The following FAM193A variants were observed in gnomAD, a reference collection of about 807,000 sequenced individuals.
FAM193A encodes the protein family with sequence similarity 193 member A.
In FAM193A, 22 loss-of-function variants were observed where a neutral mutation model predicts 126.5. The observed-to-expected ratio is 0.17, with a 90% CI of 0.12 to 0.25. FAM193A has a LOEUF of 0.25. Ranked by LOEUF, FAM193A falls within the 10% of genes least tolerant of loss-of-function variation. FAM193A has a pLI of 1.00. For missense variants in FAM193A, 1,675 were observed against 1,672.8 expected (o/e 1.00, Z -0.02); for synonymous variants, 761 against 646.8 (o/e 1.18, Z -2.68).
intron 5 of FAM193A, among the ~76,000 whole-genome samples, chr4:2,633,966 A>C (rs1300385694): frequency 6.6e-6 from 1 of 152,180 alleles, no homozygotes; most frequent in Non-Finnish European, 1.5e-5. Flanking sequence ...GTGGTGAAAA[A>C]CCAATTGAAA....
chr4:2,536,706 G>T lies in FAM193A; in HGVS notation c.-210G>T. 1 of 151,562 alleles carries T rather than the reference G, an allele frequency of 6.6e-6. No homozygotes were observed. Among genetic ancestry groups the T allele is most frequent in the South Asian group, 1.9e-4 (1 of 5,156 alleles). 9.4% of individuals were successfully genotyped at this position (151,562 alleles called of 1,614,324 possible). On this transcript the variant is annotated 5_prime_UTR_variant, in exon 1 of 21. Transcript: ENST00000637812. Reference sequence around the variant, plus strand: ...TAACTCTGGTCAGCCGCGGCGCCGGGACTGTGGACTCGCGGTTCCTCCCGC... The same window carrying T: ...TAACTCTGGTCAGCCGCGGCGCCGGTACTGTGGACTCGCGGTTCCTCCCGC...
At chr4:2,641,021 A>G (rs1577118954) in intron 6 of FAM193A, among the ~76,000 whole-genome samples, 1 of 151,830 alleles carries the variant, frequency 6.6e-6, no homozygotes, top group Non-Finnish European at 1.5e-5. Context: ...TGTTCTGTTG[A>G]CTACACCAGT....
chr4:2,617,512 C>T (rs531925065), intron 2 of FAM193A, among the ~76,000 whole-genome samples: 61 of 151,520 alleles, frequency 4.0e-4, no homozygotes, highest in African/African-American at 9.7e-4. Flanking sequence ...GATCCACCTG[C>T]CTCGCCTTCC....
At chr4:2,613,643 C>T (rs1441375876) in intron 2 of FAM193A, among the ~76,000 whole-genome samples, 2 of 151,448 alleles carry the variant, frequency 1.3e-5, no homozygotes, top group African/African-American at 2.4e-5. Flanking sequence ...AGTATAGAGA[C>T]GGGTTTCTCC....
chr4:2,610,162 T>C (rs1741777852), intron 2 of FAM193A, among the ~76,000 whole-genome samples: 1 of 151,270 alleles, frequency 6.6e-6, no homozygotes, highest in Admixed American at 6.6e-5. Context: ...AACCAGAGAG[T>C]TGGAGGTTGC....
chr4:2,636,661 A>G (rs1744121787), intron 5 of FAM193A, among the ~76,000 whole-genome samples: 1 of 152,212 alleles, frequency 6.6e-6, no homozygotes, highest in African/African-American at 2.4e-5. Context: ...TTATATCAGC[A>G]CTGATCTCAT....
chr4:2,625,545 G>T, intron 3 of FAM193A, 150 bp downstream of exon 3: 1 of 479,770 alleles, frequency 2.1e-6, no homozygotes, highest in East Asian at 3.2e-5. Context: ...AACCATATGA[G>T]TAAGACAAAA....
chr4:2,701,939 G>T (rs1172073770), intron 19 of FAM193A, among the ~76,000 whole-genome samples: 1 of 152,042 alleles, frequency 6.6e-6, no homozygotes. Flanking sequence ...ACCACACCCG[G>T]CTAATTTTGT....
intron 20 of FAM193A, among the ~76,000 whole-genome samples, chr4:2,722,284 C>T (rs923324201): frequency 9.9e-5 from 15 of 152,172 alleles, no homozygotes; most frequent in African/African-American, 3.6e-4. Context: ...GCCACTGTGT[C>T]TCGGGTGCAG....
chr4:2,618,932 A>G (rs1218743752), intron 2 of FAM193A, among the ~76,000 whole-genome samples: 2 of 151,992 alleles, frequency 1.3e-5, no homozygotes, highest in Admixed American at 1.3e-4. Flanking sequence ...GGGTTTCACC[A>G]TGTTGGTCAG....
chr4:2,616,576 G>A (rs1192276690), intron 2 of FAM193A, among the ~76,000 whole-genome samples: 2 of 137,172 alleles, frequency 1.5e-5, no homozygotes, highest in South Asian at 4.6e-4. Flanking sequence ...TTTTTTTTTT[G>A]AAACAGGGTC....
In FAM193A at chr4:2,659,628, G is replaced by A. The variant is rs149282262; in HGVS notation, c.1460G>A (p.Arg487Gln). 168 of 1,613,986 alleles carry A rather than the reference G, an allele frequency of 1.0e-4. No homozygotes were observed. Among genetic ancestry groups the A allele is most frequent in the Middle Eastern group, 1.6e-4 (1 of 6,084 alleles). The stretch of plus-strand genomic sequence containing the variant: ...ACCATGAGGCACATGTTATCGTCCC[G>A]GCTGAGCATGCCCGACTGCCCCAAC... ...TDTMRHMLSS[R>Q]LSMPDCPNCN... The change falls in exon 9 of 21, where the codon CGG becomes CAG. Residue 487 changes from arginine to glutamine, a missense_variant. Coordinates refer to ENST00000637812, the MANE Select transcript of FAM193A (RefSeq NM_001366318.2).
At chr4:2,696,625 C>T (rs1303057802) in intron 18 of FAM193A, 32 bp downstream of exon 18, 31 of 1,564,322 alleles carry the variant, frequency 2.0e-5, no homozygotes, top group Non-Finnish European at 2.7e-5. Flanking sequence ...CTGGAGGCGC[C>T]AGGTCTGAGG....
At chr4:2,579,849 C>A (rs929564582) in intron 1 of FAM193A, among the ~76,000 whole-genome samples, 2 of 152,168 alleles carry the variant, frequency 1.3e-5, no homozygotes, top group Non-Finnish European at 2.9e-5. Context: ...ATTAGTTTAA[C>A]CATTGTGGAA....
chr4:2,552,008 A>ATTT lies in FAM193A; in HGVS notation c.255+14856_255+14858dup, dbSNP rs71178476. ...GGTGCAAGCCATCATGTCTGGGTAAATTTTTTTTTTTTTTTTTTTTCGAGA... is the reference window on the plus strand; with the variant it reads ...GGTGCAAGCCATCATGTCTGGGTAAATTTTTTTTTTTTTTTTTTTTTTTCGAGA... On this transcript the variant is annotated intron_variant, in intron 1 of 20. Coordinates refer to ENST00000637812, the MANE Select transcript of FAM193A (RefSeq NM_001366318.2). Among the ~76,000 whole-genome samples, 41 of 111,668 alleles carry ATTT rather than the reference A, an allele frequency of 3.7e-4. 1 individual carries two copies. The highest frequency in any genetic ancestry group is 8.7e-4 in the South Asian group (3 of 3,440). 73.3% of individuals were successfully genotyped at this position (111,668 alleles called of 152,430 possible). A position where few individuals can be genotyped will look rare whatever the true frequency, so the allele number is the denominator to read the frequency against.
chr4:2,620,957 C>G (rs1042712845), intron 2 of FAM193A, among the ~76,000 whole-genome samples: 1 of 151,520 alleles, frequency 6.6e-6, no homozygotes, highest in African/African-American at 2.4e-5. Flanking sequence ...CTAACGGGAG[C>G]TTAGGGAGGG....
intron 7 of FAM193A, among the ~76,000 whole-genome samples, chr4:2,656,391 T>A (rs1335942902): frequency 1.3e-5 from 2 of 152,228 alleles, no homozygotes; most frequent in African/African-American, 4.8e-5. Context: ...GAGTCAGTTT[T>A]ACAAATAGAA....
At chr4:2,720,285 C>T (rs1196852971) in intron 20 of FAM193A, among the ~76,000 whole-genome samples, 1 of 152,116 alleles carries the variant, frequency 6.6e-6, no homozygotes, top group Non-Finnish European at 1.5e-5. Context: ...TAATTGTCTA[C>T]ATAGGAAATA....
At chr4:2,572,726 TTTAGA>T (rs1028550119) in intron 1 of FAM193A, among the ~76,000 whole-genome samples, 1 of 151,214 alleles carries the variant, frequency 6.6e-6, no homozygotes, top group Non-Finnish European at 1.5e-5. Context: ...GATTTTGGTC[TTTAGA>T]TTAAGTGCAG....
Sources: gnomAD v4.1 joint callset for allele counts (sites outside exome capture counted in the v4.1 genomes callset) on GRCh38, gnomAD v4.1.1 for gene constraint, MANE v1.5 for transcripts, NCBI Gene and HGNC (gene_info 2026-07-23, HGNC 2026-07-21) for gene names.